RBMS3: variants seen among roughly 807,000 people sequenced by gnomAD.
RBMS3 encodes RNA binding motif single stranded interacting protein 3.
In RBMS3, 27 loss-of-function variants were observed where a neutral mutation model predicts 66.8. The ratio of observed to expected loss-of-function variants is 0.40; its 90% CI spans 0.30 to 0.56. RBMS3 has a LOEUF of 0.56. RBMS3 is among the 20% of genes least tolerant of loss of function. The pLI, the probability that RBMS3 is intolerant of heterozygous loss-of-function variation, is 0.40. For synonymous variants in RBMS3, 188 were observed against 183.0 expected, an observed-to-expected ratio of 1.03 and a Z score of -0.22; for missense variants, 513 against 549.5, an observed-to-expected ratio of 0.93 and a Z score of 0.66.
chr3:29,925,185 A>AGACTAAT (rs759254860), intron 10 of RBMS3: 16 of 152,314 alleles, frequency 1.1e-4, no homozygotes, highest in Admixed American at 2.0e-4. Context: ...CTTTTGATTA[A>AGACTAAT]TCAAGTCTTA....
intron 1 of RBMS3, among the ~76,000 whole-genome samples, chr3:29,366,470 C>T (rs1056556770): frequency 1.3e-5 from 2 of 152,178 alleles, no homozygotes; most frequent in Non-Finnish European, 2.9e-5. Flanking sequence ...ACTGCAGCTT[C>T]AAATTATTGG....
intron 4 of RBMS3, among the ~76,000 whole-genome samples, chr3:29,686,424 C>T (rs1474323765): frequency 6.6e-6 from 1 of 152,114 alleles, no homozygotes; most frequent in Non-Finnish European, 1.5e-5. Flanking sequence ...TGGCTCATGC[C>T]TGTAATTCCA....
intron 4 of RBMS3, among the ~76,000 whole-genome samples, chr3:29,624,148 T>A (rs897107392): frequency 1.3e-5 from 2 of 152,232 alleles, no homozygotes; most frequent in East Asian, 1.9e-4. Flanking sequence ...TAGGCATGTG[T>A]ACATGAGTCC....
chr3:29,788,207 T>A lies in RBMS3; in HGVS notation c.637+25218T>A, dbSNP rs538853083. On this transcript the variant is annotated intron_variant, in intron 6 of 14. Transcript: ENST00000383767. ...AGCAATGTACTTTGGAGTTCATTTT[T>A]TTTTTTTTTTGGAAAAAAATGGTAA... Among the ~76,000 whole-genome samples the A allele has an allele frequency of 5.2e-4, 79 of 151,930 alleles. 1 individual carries two copies. In the Middle Eastern group the frequency reaches 0.01, roughly 20 times the overall value.
At chr3:29,451,204 A>G (rs1342189493) in intron 2 of RBMS3, among the ~76,000 whole-genome samples, 2 of 152,202 alleles carry the variant, frequency 1.3e-5, no homozygotes, top group Admixed American at 1.3e-4. Context: ...CACAGAACCA[A>G]CACTTTACAG....
chr3:29,951,474 T>C (rs1040784842), intron 12 of RBMS3, among the ~76,000 whole-genome samples: 6 of 151,564 alleles, frequency 4.0e-5, no homozygotes, highest in Non-Finnish European at 7.4e-5. Context: ...GAGTAGAGAG[T>C]ATATAATCTA....
chr3:29,758,768 T>A (rs1576718018), intron 5 of RBMS3, among the ~76,000 whole-genome samples: 1 of 152,218 alleles, frequency 6.6e-6, no homozygotes, highest in East Asian at 1.9e-4. Context: ...GTTTTTGAAA[T>A]GTCAGAAGCA....
intron 6 of RBMS3, among the ~76,000 whole-genome samples, chr3:29,770,081 A>G (rs1410203121): frequency 1.3e-5 from 2 of 151,920 alleles, no homozygotes; most frequent in Non-Finnish European, 2.9e-5. Flanking sequence ...ATTCTTGAAC[A>G]GTGCAATGAT....
chr3:29,982,432 CTTAT>C (rs1698059262), intron 12 of RBMS3, among the ~76,000 whole-genome samples: 1 of 152,074 alleles, frequency 6.6e-6, no homozygotes, highest in Non-Finnish European at 1.5e-5. Flanking sequence ...CTGCTCTCAT[CTTAT>C]TTATTTCTTG....
chr3:29,332,824 T>C (rs1425578077), intron 1 of RBMS3, among the ~76,000 whole-genome samples: 4 of 152,114 alleles, frequency 2.6e-5, no homozygotes, highest in Non-Finnish European at 5.9e-5. Context: ...CATTGGAAAA[T>C]AAATAAGGAA....
intron 1 of RBMS3, among the ~76,000 whole-genome samples, chr3:29,326,573 G>A (rs887156884): frequency 2.0e-5 from 3 of 152,000 alleles, no homozygotes; most frequent in African/African-American, 7.3e-5. Context: ...TGTTTATGTG[G>A]CTACCTACCT....
rs541834083 is a variant in RBMS3 at position 29,858,733 on chromosome 3, C to T, written c.638-10125C>T. Reference sequence around the variant, plus strand: ...GAAACAATAGCGTTACATTATTCCCCTTATGGGGCATGGTTGTTCCTTTTA... The same window carrying T: ...GAAACAATAGCGTTACATTATTCCCTTTATGGGGCATGGTTGTTCCTTTTA... On this transcript the variant is annotated intron_variant, in intron 6 of 14. Transcript: ENST00000383767. Among the ~76,000 whole-genome samples the T allele has an allele frequency of 4.6e-5, 7 of 152,318 alleles. No individual in the cohort carries two copies. The South Asian group carries it at 6.2e-4, about 14-fold the overall frequency.
At chr3:29,888,165 T>G (rs1028980168) in intron 8 of RBMS3, among the ~76,000 whole-genome samples, 8 of 151,816 alleles carry the variant, frequency 5.3e-5, no homozygotes, top group Non-Finnish European at 1.0e-4. Context: ...CTTTAAACTA[T>G]TTGAACAGTT....
intron 4 of RBMS3, among the ~76,000 whole-genome samples, chr3:29,694,769 A>AAAAAAATT (rs2052187285): frequency 2.0e-5 from 3 of 151,822 alleles, no homozygotes; most frequent in Non-Finnish European, 4.4e-5. Flanking sequence ...ATAAAAAAAT[A>AAAAAAATT]AAAAAAATTA....
At chr3:29,731,754 A>G (rs1007609108) in intron 4 of RBMS3, among the ~76,000 whole-genome samples, 5 of 152,148 alleles carry the variant, frequency 3.3e-5, no homozygotes, top group Non-Finnish European at 7.4e-5. Flanking sequence ...TGACAAAACT[A>G]ACACATTGTA....
At chr3:29,513,964 A>G (rs1290136886) in intron 3 of RBMS3, among the ~76,000 whole-genome samples, 1 of 152,170 alleles carries the variant, frequency 6.6e-6, no homozygotes, top group Non-Finnish European at 1.5e-5. Context: ...TCATATTCAT[A>G]ACTCTCTAAA....
rs116260182 is a variant in RBMS3 at position 29,547,779 on chromosome 3, G to C, written c.308-39335G>C. Among the ~76,000 whole-genome samples, 1,267 of 148,852 alleles carry C rather than the reference G, an allele frequency of 8.5e-3. 12 individuals carry two copies. The highest frequency in any genetic ancestry group is 0.013 in the Non-Finnish European group (863 of 67,300). ...GCAGAGTCAGGTCATACTAAATTCAGTTGATTGATAAGCTTGTTTGTGGAT... is the reference window on the plus strand; with the variant it reads ...GCAGAGTCAGGTCATACTAAATTCACTTGATTGATAAGCTTGTTTGTGGAT... On this transcript the variant is annotated intron_variant, in intron 3 of 14. Transcript: ENST00000383767.
intron 4 of RBMS3, among the ~76,000 whole-genome samples, chr3:29,732,255 C>T (rs2054170742): frequency 6.6e-6 from 1 of 152,126 alleles, no homozygotes; most frequent in Non-Finnish European, 1.5e-5. Flanking sequence ...GGTCTGAAGA[C>T]AGGAAAATGT....
At chr3:29,396,553 T>C (rs1464616622) in intron 1 of RBMS3, among the ~76,000 whole-genome samples, 2 of 152,168 alleles carry the variant, frequency 1.3e-5, no homozygotes. Context: ...CTGAAGTTAT[T>C]AGGGATAAAG....
Sources: gnomAD v4.1 joint callset for allele counts (sites outside exome capture counted in the v4.1 genomes callset) on GRCh38, gnomAD v4.1.1 for gene constraint, MANE v1.5 for transcripts, NCBI Gene and HGNC (gene_info 2026-07-23, HGNC 2026-07-21) for gene names.